Variants in NT5M observed in about 807,000 individuals in gnomAD.
The protein encoded by NT5M is 5'(3')-deoxyribonucleotidase, mitochondrial.
NT5M carries 22 observed loss-of-function variants against 22.2 expected under a neutral mutation model. That is an observed-to-expected ratio of 0.99 (90% CI 0.71 to 1.41). NT5M has a LOEUF of 1.41. Ranked by LOEUF, NT5M falls within the 40% of genes most tolerant of loss-of-function variation. The probability of loss-of-function intolerance (pLI) is 0.00; values close to 1 mark genes in which losing one functional copy is unlikely to be tolerated. For synonymous variants in NT5M, 167 were observed against 133.0 expected (o/e 1.26, Z -1.76); for missense variants, 322 against 314.8 (o/e 1.02, Z -0.17).
At chr17:17,333,940 TCTC>T (rs1365540739) in intron 3 of NT5M, among the ~76,000 whole-genome samples, 28 of 150,534 alleles carry the variant, frequency 1.9e-4, no homozygotes, top group African/African-American at 6.6e-4. Flanking sequence ...TTCATGCCAT[TCTC>T]CTGCCTCAGC....
At chr17:17,339,529 T>C (rs935476492) in intron 3 of NT5M, among the ~76,000 whole-genome samples, 7 of 152,210 alleles carry the variant, frequency 4.6e-5, no homozygotes, top group Non-Finnish European at 8.8e-5. Flanking sequence ...GTGGTGAAAG[T>C]AGGCATTCTT....
At chr17:17,330,432 A>T (rs376787785) in intron 3 of NT5M, among the ~76,000 whole-genome samples, 1 of 150,610 alleles carries the variant, frequency 6.6e-6, no homozygotes, top group African/African-American at 2.4e-5. Context: ...CTGGAATGCA[A>T]TGGCGTGATC....
chr17:17,345,634 CAA>C (rs34513135), intron 4 of NT5M, among the ~76,000 whole-genome samples: 29 of 98,596 alleles, frequency 2.9e-4, no homozygotes, highest in East Asian at 8.4e-4. Flanking sequence ...CCTGTCTCTA[CAA>C]AAAAAAAAAA....
intron 3 of NT5M, 141 bp downstream of exon 3, chr17:17,323,386 G>A: frequency 1.3e-6 from 1 of 742,610 alleles, no homozygotes. Flanking sequence ...GCTCCCCAAG[G>A]ACCTCTCCAG....
intron 3 of NT5M, among the ~76,000 whole-genome samples, chr17:17,344,117 C>T (rs1413741608): frequency 6.6e-6 from 1 of 152,094 alleles, no homozygotes; most frequent in Non-Finnish European, 1.5e-5. Flanking sequence ...TCCCTGCCCC[C>T]CGGGGAGCAC....
intron 3 of NT5M, among the ~76,000 whole-genome samples, chr17:17,326,987 C>T (rs2145389068): frequency 6.6e-6 from 1 of 152,262 alleles, no homozygotes; most frequent in Admixed American, 6.5e-5. Flanking sequence ...TCTCGGCTTA[C>T]TGCAACATCC....
intron 3 of NT5M, among the ~76,000 whole-genome samples, chr17:17,330,127 C>T (rs575623807): frequency 5.9e-5 from 9 of 151,952 alleles, no homozygotes; most frequent in South Asian, 4.2e-4. Flanking sequence ...GGTGAAACCC[C>T]GTCTCTACTA....
chr17:17,327,913 G>A (rs1340427120), intron 3 of NT5M, among the ~76,000 whole-genome samples: 1 of 36,584 alleles, frequency 2.7e-5, no homozygotes, highest in Admixed American at 3.0e-4. Context: ...TCGGTCTCCC[G>A]AAGTGCTGGG....
chr17:17,338,677 G>GTTTTTTTTTTTTTTTTTT (rs59650601), intron 3 of NT5M, among the ~76,000 whole-genome samples: 1 of 73,220 alleles, frequency 1.4e-5, no homozygotes, highest in Non-Finnish European at 2.5e-5. Context: ...AATGTTAAGG[G>GTTTTTTTTTTTTTTTTTT]TTTTTTTTTT....
intron 4 of NT5M, 48 bp downstream of exon 4, chr17:17,344,956 T>C (rs1261362249): frequency 6.2e-7 from 1 of 1,611,204 alleles, no homozygotes. Flanking sequence ...GGCCCCAGCC[T>C]TGGCCCCCTT....
chr17:17,334,290 T>C (rs1352161978), intron 3 of NT5M, among the ~76,000 whole-genome samples: 1 of 151,388 alleles, frequency 6.6e-6, no homozygotes, highest in African/African-American at 2.4e-5. Flanking sequence ...TTATCATATA[T>C]TGTAGGAGGT....
intron 2 of NT5M, 78 bp downstream of exon 2, chr17:17,306,721 C>T (rs1294379020): frequency 4.1e-6 from 4 of 966,408 alleles, no homozygotes; most frequent in Non-Finnish European, 5.0e-6. Flanking sequence ...TGCTTCTTCC[C>T]TCCTCTGCCT....
At chr17:17,319,296 C>T (rs2049102484) in intron 2 of NT5M, among the ~76,000 whole-genome samples, 1 of 151,214 alleles carries the variant, frequency 6.6e-6, no homozygotes, top group Non-Finnish European at 1.5e-5. Flanking sequence ...TGGGGAGGGG[C>T]TGTGGGAATG....
At chr17:17,336,797 C>T (rs1317828160) in intron 3 of NT5M, among the ~76,000 whole-genome samples, 1 of 152,150 alleles carries the variant, frequency 6.6e-6, no homozygotes, top group Non-Finnish European at 1.5e-5. Context: ...GATCCACCCT[C>T]CTCGGCCTTC....
chr17:17,330,578 A>G (rs1460190137), intron 3 of NT5M, among the ~76,000 whole-genome samples: 4 of 151,720 alleles, frequency 2.6e-5, no homozygotes, highest in African/African-American at 9.7e-5. Context: ...GTTTCACCAC[A>G]TTGGCCAGGC....
At chr17:17,308,840 G>C (rs1374278346) in intron 2 of NT5M, among the ~76,000 whole-genome samples, 1 of 152,104 alleles carries the variant, frequency 6.6e-6, no homozygotes, top group Non-Finnish European at 1.5e-5. Flanking sequence ...CATATAAATG[G>C]CATCATATAA....
intron 2 of NT5M, among the ~76,000 whole-genome samples, chr17:17,315,752 G>GTT (rs1418422176): frequency 1.4e-4 from 13 of 93,992 alleles, no homozygotes; most frequent in Non-Finnish European, 2.0e-4. Flanking sequence ...GGGTTTTTTT[G>GTT]TTTTTTTTTT....
intron 2 of NT5M, among the ~76,000 whole-genome samples, chr17:17,315,801 C>T (rs1010275922): frequency 4.4e-5 from 6 of 135,266 alleles, no homozygotes; most frequent in Non-Finnish European, 9.1e-5. Flanking sequence ...ATCACCCAGG[C>T]TAGAGTGCAG....
In NT5M at chr17:17,307,254, C is replaced by T. The variant is rs541674977; in HGVS notation, c.368+611C>T. On this transcript the variant is annotated intron_variant, in intron 2 of 4. Transcript: ENST00000389022. ...ACTGACTGTGCTAGATACTGCAGGCCGCAGTGTTTCAGCAATGAGCAAAGT... is the reference window on the plus strand; with the variant it reads ...ACTGACTGTGCTAGATACTGCAGGCTGCAGTGTTTCAGCAATGAGCAAAGT... 3.0e-4 allele frequency among the ~76,000 whole-genome samples: 46 copies of T among 152,272 alleles called. No individual in the cohort carries two copies. In the South Asian group the frequency reaches 5.4e-3, roughly 18 times the overall value.
Sources: allele counts gnomAD v4.1 joint callset (sites outside exome capture counted in the v4.1 genomes callset), GRCh38; gene constraint gnomAD v4.1.1; transcripts MANE v1.5; gene names NCBI Gene and HGNC (gene_info 2026-07-23, HGNC 2026-07-21).